The following SPAG9 variants were observed in gnomAD, a reference collection of about 807,000 sequenced individuals.
The protein encoded by SPAG9 is C-Jun-amino-terminal kinase-interacting protein 4.
In SPAG9, 35 loss-of-function variants were observed where a neutral mutation model predicts 166.5. The ratio of observed to expected loss-of-function variants is 0.21; its 90% CI spans 0.16 to 0.28. SPAG9 has a LOEUF of 0.28. SPAG9 is among the 10% of genes least tolerant of loss of function. SPAG9 has a pLI of 1.00. For synonymous variants in SPAG9, 534 were observed against 565.5 expected (o/e 0.94, Z 0.79); for missense variants, 1,235 against 1,603.3 (o/e 0.77, Z 3.92).
At chr17:51,040,823 T>C (rs187549115) in intron 5 of SPAG9, among the ~76,000 whole-genome samples, 1 of 152,344 alleles carries the variant, frequency 6.6e-6, no homozygotes, top group Admixed American at 6.5e-5. Flanking sequence ...TGTTTCATGA[T>C]GAGTTGATTT....
intron 3 of SPAG9, among the ~76,000 whole-genome samples, chr17:51,050,801 G>A (rs1198960048): frequency 6.6e-6 from 1 of 151,838 alleles, no homozygotes; most frequent in Non-Finnish European, 1.5e-5. Context: ...AATAGGACAC[G>A]CTTCAGATAA....
At chr17:51,089,465 G>T (rs2048389807) in intron 1 of SPAG9, among the ~76,000 whole-genome samples, 2 of 149,950 alleles carry the variant, frequency 1.3e-5, no homozygotes, top group South Asian at 4.2e-4. Flanking sequence ...GAAGTCGACA[G>T]GTGCACCGAA....
chr17:51,104,613 G>T lies in SPAG9; in HGVS notation c.303+15741C>A, dbSNP rs141619877. ...TTCACACCATTGCACTCCAGCCTGG[G>T]TAACAAGAGCAAAACGCCATCTCAA... is the stretch of plus-strand genomic sequence containing the variant. On this transcript the variant is annotated intron_variant, in intron 1 of 29. Transcript: ENST00000262013. Among the ~76,000 whole-genome samples, 1,315 of 152,132 alleles carry T rather than the reference G, an allele frequency of 8.6e-3. 16 individuals carry two copies. Among genetic ancestry groups the T allele is most frequent in the African/African-American group, 0.031 (1,276 of 41,538 alleles).
chr17:51,048,912 C>T (rs184080352), intron 3 of SPAG9, among the ~76,000 whole-genome samples: 1 of 152,210 alleles, frequency 6.6e-6, no homozygotes, highest in East Asian at 1.9e-4. Flanking sequence ...GATTTTACCA[C>T]CATTTACACA....
intron 1 of SPAG9, among the ~76,000 whole-genome samples, chr17:51,092,891 TCACACCACTG>T (rs956875362): frequency 9.2e-5 from 14 of 152,060 alleles, no homozygotes; most frequent in Admixed American, 4.6e-4. Context: ...TGAGCTATGA[TCACACCACTG>T]CACGCCTGCC....
At chr17:51,012,211 G>A (rs1359589666) in intron 9 of SPAG9, among the ~76,000 whole-genome samples, 2 of 151,934 alleles carry the variant, frequency 1.3e-5, no homozygotes, top group Non-Finnish European at 2.9e-5. Context: ...AAACTTTTCA[G>A]GTATAATTTG....
chr17:51,077,025 G>T (rs200277237), intron 2 of SPAG9, among the ~76,000 whole-genome samples: 934 of 86,748 alleles, frequency 0.011, 33 homozygotes, highest in African/African-American at 0.04. Context: ...TAGCTATCTA[G>T]CTATCTATCT....
chr17:50,993,675 G>A lies in SPAG9; in HGVS notation c.2398+89C>T, dbSNP rs1975811332. On this transcript the variant is annotated intron_variant, in intron 19 of 29. Transcript: ENST00000262013. Reference sequence around the variant, plus strand: ...AGAACATAAGCTTCATGACAGCAAGGTGCAGAACTGCATCTTCAGCTGCTA... The same window carrying A: ...AGAACATAAGCTTCATGACAGCAAGATGCAGAACTGCATCTTCAGCTGCTA... The A allele has an allele frequency of 3.1e-6, 4 of 1,273,406 alleles. No homozygotes were observed. The Admixed American group carries it at 7.7e-5, about 24-fold the overall frequency. The allele number at this position is 1,273,406 out of a possible 1,614,324, so 78.9% of individuals were successfully genotyped here. A position where few individuals can be genotyped will look rare whatever the true frequency, so the allele number is the denominator to read the frequency against.
chr17:51,047,484 G>T lies in SPAG9; in HGVS notation c.496-15C>A. On this transcript the variant is annotated splice_polypyrimidine_tract_variant and intron_variant, in intron 3 of 29. Coordinates refer to ENST00000262013, the MANE Select transcript of SPAG9 (RefSeq NM_001130528.3). Reference sequence around the variant, plus strand: ...TTATGGATCATCTATTTTAAAGAAAGAAAAAATACACAATATTTAAGGCTA... The same window carrying T: ...TTATGGATCATCTATTTTAAAGAAATAAAAAATACACAATATTTAAGGCTA... 8.6e-7 allele frequency: 1 copy of T among 1,160,980 alleles called. No individual in the cohort carries two copies. Among genetic ancestry groups the T allele is most frequent in the South Asian group, 1.3e-5 (1 of 74,170 alleles). The allele number at this position is 1,160,980 out of a possible 1,614,324, so 71.9% of individuals were successfully genotyped here.
chr17:51,100,824 C>G (rs1327009498), intron 1 of SPAG9, among the ~76,000 whole-genome samples: 1 of 151,886 alleles, frequency 6.6e-6, no homozygotes, highest in African/African-American at 2.4e-5. Context: ...GAGGCTGAGG[C>G]AAGAGAATCG....
chr17:51,076,258 A>G (rs560145369), intron 2 of SPAG9, among the ~76,000 whole-genome samples: 1 of 149,996 alleles, frequency 6.7e-6, no homozygotes, highest in Admixed American at 6.7e-5. Context: ...CCCTGTCTCT[A>G]CAAAAAATAC....
intron 19 of SPAG9, among the ~76,000 whole-genome samples, chr17:50,991,630 T>A (rs1462265365): frequency 6.6e-6 from 1 of 151,650 alleles, no homozygotes; most frequent in African/African-American, 2.4e-5. Flanking sequence ...CACCATTATT[T>A]TTTTTTTTTG....
intron 20 of SPAG9, 114 bp from the exon 21 acceptor site, chr17:50,989,986 C>T: frequency 1.2e-6 from 1 of 856,740 alleles, no homozygotes; most frequent in Non-Finnish European, 1.9e-6. Context: ...TCACACTGTA[C>T]CATGAAATTA....
intron 29 of SPAG9, among the ~76,000 whole-genome samples, chr17:50,970,110 G>A (rs1030542514): frequency 1.2e-4 from 19 of 152,140 alleles, no homozygotes; most frequent in African/African-American, 4.3e-4. Flanking sequence ...GAGGTTGAAT[G>A]ACTTGTCCAA....
At chr17:51,022,714 C>T (rs1049035328) in intron 6 of SPAG9, among the ~76,000 whole-genome samples, 1 of 151,258 alleles carries the variant, frequency 6.6e-6, no homozygotes, top group African/African-American at 2.4e-5. Context: ...TTTTGGAGGC[C>T]GAGGCAGGCG....
intron 1 of SPAG9, among the ~76,000 whole-genome samples, chr17:51,091,273 CAAAA>C (rs77408635): frequency 1.0e-4 from 5 of 49,138 alleles, no homozygotes; most frequent in Admixed American, 2.2e-4. Flanking sequence ...ACCCTGTATA[CAAAA>C]AAAAAAAAAA....
chr17:50,981,390 GTGGATGGA>G lies in SPAG9; in HGVS notation c.3237+1126_3237+1133del, dbSNP rs529102170. On this transcript the variant is annotated intron_variant, in intron 25 of 29. Coordinates refer to ENST00000262013, the MANE Select transcript of SPAG9 (RefSeq NM_001130528.3). ...TCAATAAGGGATATTCAACCTGTGT[GTGGATGGA>G]TGGATGGATGGATGGATGGATGGAT... Among the ~76,000 whole-genome samples the G allele has an allele frequency of 6.9e-4, 104 of 150,140 alleles. No individual in the cohort carries two copies. The South Asian group carries it at 0.011, about 16-fold the overall frequency.
In SPAG9 at chr17:50,996,499, T is replaced by C; in HGVS notation, c.1968+66A>G. On this transcript the variant is annotated intron_variant, in intron 16 of 29. Transcript: ENST00000262013. Reference sequence around the variant, plus strand: ...TGGGATGCGTACAGTGAATCCTTCATGCCCACGCACACTCAACTTGCCCTC... The same window carrying C: ...TGGGATGCGTACAGTGAATCCTTCACGCCCACGCACACTCAACTTGCCCTC... 9 of 1,582,562 alleles carry C rather than the reference T, an allele frequency of 5.7e-6. No homozygotes were observed. The Middle Eastern group carries it at 1.5e-3, about 267-fold the overall frequency.
intron 24 of SPAG9, among the ~76,000 whole-genome samples, chr17:50,984,500 C>T (rs994693257): frequency 6.6e-6 from 1 of 152,120 alleles, no homozygotes; most frequent in African/African-American, 2.4e-5. Context: ...TCCTGGCTAA[C>T]ACAGTGAAAC....
Sources: allele counts gnomAD v4.1 joint callset (sites outside exome capture counted in the v4.1 genomes callset), GRCh38; gene constraint gnomAD v4.1.1; transcripts MANE v1.5; gene names NCBI Gene and HGNC (gene_info 2026-07-23, HGNC 2026-07-21).